Variants in PALLD observed in about 807,000 individuals in gnomAD.
PALLD encodes palladin.
PALLD carries 61 observed loss-of-function variants against 123.5 expected under a neutral mutation model. The ratio of observed to expected loss-of-function variants is 0.49; its 90% CI spans 0.40 to 0.61. PALLD has a LOEUF of 0.61. PALLD is among the 20% of genes least tolerant of loss of function. PALLD has a pLI of 0.00. For missense variants in PALLD, 1,273 were observed against 1,377.0 expected (o/e 0.92, Z 1.20); for synonymous variants, 465 against 496.4 (o/e 0.94, Z 0.84).
At chr4:168,677,038 G>A (rs997618360) in intron 3 of PALLD, among the ~76,000 whole-genome samples, 4 of 152,130 alleles carry the variant, frequency 2.6e-5, no homozygotes, top group African/African-American at 9.7e-5. Context: ...GTTTAGGCAG[G>A]TAACTGTTAG....
At chr4:168,601,379 A>G (rs903825518) in intron 2 of PALLD, among the ~76,000 whole-genome samples, 9 of 152,178 alleles carry the variant, frequency 5.9e-5, no homozygotes, top group Non-Finnish European at 2.9e-5. Context: ...GTCATCAGAA[A>G]GCAATGATTC....
chr4:168,902,922 C>A (rs1270284518), intron 14 of PALLD, among the ~76,000 whole-genome samples: 1 of 152,052 alleles, frequency 6.6e-6, no homozygotes, highest in Non-Finnish European at 1.5e-5. Context: ...TAGACATGCA[C>A]CACCACACCC....
At chr4:168,498,050 C>T (rs1442704607) in intron 1 of PALLD, among the ~76,000 whole-genome samples, 1 of 152,168 alleles carries the variant, frequency 6.6e-6, no homozygotes, top group African/African-American at 2.4e-5. Context: ...GAAATTAAAT[C>T]CTCATTTCAT....
chr4:168,754,399 A>G (rs980557204), intron 10 of PALLD, among the ~76,000 whole-genome samples: 3 of 152,224 alleles, frequency 2.0e-5, no homozygotes, highest in Non-Finnish European at 4.4e-5. Flanking sequence ...TGTTTATTCA[A>G]ATGAGCTGAT....
At chr4:168,701,136 T>TA (rs895689611) in intron 8 of PALLD, among the ~76,000 whole-genome samples, 6 of 152,256 alleles carry the variant, frequency 3.9e-5, no homozygotes, top group African/African-American at 1.2e-4. Flanking sequence ...TTAAGTTTAA[T>TA]AAAAAAAGGG....
intron 2 of PALLD, among the ~76,000 whole-genome samples, chr4:168,563,837 T>A (rs1768097123): frequency 6.6e-6 from 1 of 152,220 alleles, no homozygotes; most frequent in African/African-American, 2.4e-5. Context: ...CAACTCTAGT[T>A]CTGTGGAAGA....
intron 2 of PALLD, among the ~76,000 whole-genome samples, chr4:168,578,891 G>C (rs186456201): frequency 6.6e-6 from 1 of 152,158 alleles, no homozygotes; most frequent in African/African-American, 2.4e-5. Flanking sequence ...AGAGAACACT[G>C]TTTGAGGCTC....
intron 2 of PALLD, among the ~76,000 whole-genome samples, chr4:168,521,156 AC>A (rs2149453983): frequency 6.6e-6 from 1 of 152,204 alleles, no homozygotes; most frequent in South Asian, 2.1e-4. Flanking sequence ...TACCCAGTTT[AC>A]CTGCTGCAGA....
intron 2 of PALLD, among the ~76,000 whole-genome samples, chr4:168,618,580 A>G (rs1156748012): frequency 6.6e-6 from 1 of 152,214 alleles, no homozygotes; most frequent in African/African-American, 2.4e-5. Flanking sequence ...TTCATTGTAC[A>G]AAAGGCAAGT....
chr4:168,916,089 C>G (rs1294705127), intron 17 of PALLD, 62 bp downstream of exon 17: 1 of 1,480,126 alleles, frequency 6.8e-7, no homozygotes, highest in East Asian at 2.3e-5. Context: ...TGCCATTTCT[C>G]TATAGTTCCT....
At chr4:168,644,993 C>T (rs1777301336) in intron 2 of PALLD, among the ~76,000 whole-genome samples, 1 of 151,106 alleles carries the variant, frequency 6.6e-6, no homozygotes, top group African/African-American at 2.4e-5. Flanking sequence ...CCCAGCTACT[C>T]GGGAAGCTGA....
rs557854047 is a variant in PALLD at position 168,886,641 on chromosome 4, T to G, written c.1965-4281T>G. 2.0e-5 allele frequency among the ~76,000 whole-genome samples: 3 copies of G among 152,246 alleles called. No individual in the cohort carries two copies. The South Asian group carries it at 6.2e-4, about 32-fold the overall frequency. On this transcript the variant is annotated intron_variant, in intron 10 of 21. Coordinates refer to ENST00000505667, the MANE Select transcript of PALLD (RefSeq NM_001166108.2). The stretch of plus-strand genomic sequence containing the variant: ...CTGGGTGACAGAGCAAAACCCAGTC[T>G]ATAAAAAGAAAAAACATATTTCAGT...
At chr4:168,600,253 T>C (rs567393058) in intron 2 of PALLD, among the ~76,000 whole-genome samples, 1 of 152,290 alleles carries the variant, frequency 6.6e-6, no homozygotes, top group Admixed American at 6.5e-5. Context: ...TTTATACAGA[T>C]TTTTCAACAG....
intron 10 of PALLD, among the ~76,000 whole-genome samples, chr4:168,816,330 A>G (rs755415345): frequency 7.3e-5 from 11 of 151,480 alleles, no homozygotes; most frequent in Non-Finnish European, 1.3e-4. Context: ...TTAGGAACCC[A>G]GAGCTTTACT....
At chr4:168,763,235 C>T (rs1419065129) in intron 10 of PALLD, among the ~76,000 whole-genome samples, 1 of 152,188 alleles carries the variant, frequency 6.6e-6, no homozygotes, top group Non-Finnish European at 1.5e-5. Context: ...AAATCAGTTA[C>T]AACACTGTTT....
intron 10 of PALLD, among the ~76,000 whole-genome samples, chr4:168,831,654 G>C (rs1744218696): frequency 6.6e-6 from 1 of 152,002 alleles, no homozygotes; most frequent in Non-Finnish European, 1.5e-5. Context: ...ATTCTACCGT[G>C]AGTTTTTATT....
chr4:168,497,553 C>T (rs747354904), intron 1 of PALLD, among the ~76,000 whole-genome samples: 24 of 152,210 alleles, frequency 1.6e-4, no homozygotes, highest in Non-Finnish European at 2.5e-4. Flanking sequence ...AAAAGGAAAA[C>T]GCAGCTTTCT....
chr4:168,720,543 C>T (rs1785900824), intron 10 of PALLD, among the ~76,000 whole-genome samples: 1 of 152,164 alleles, frequency 6.6e-6, no homozygotes. Context: ...TCACCAAACA[C>T]ATTGGAGGTT....
At chr4:168,780,927 A>G (rs1201907992) in intron 10 of PALLD, among the ~76,000 whole-genome samples, 1 of 152,180 alleles carries the variant, frequency 6.6e-6, no homozygotes, top group Non-Finnish European at 1.5e-5. Flanking sequence ...ACCTTAGGTG[A>G]TCTGCCCACT....
Sources: gnomAD v4.1 joint callset for allele counts (sites outside exome capture counted in the v4.1 genomes callset) on GRCh38, gnomAD v4.1.1 for gene constraint, MANE v1.5 for transcripts, NCBI Gene and HGNC (gene_info 2026-07-23, HGNC 2026-07-21) for gene names.